Variants in EML4 observed in about 807,000 individuals in gnomAD.
The protein encoded by EML4 is EMAP like 4.
In EML4, 72 loss-of-function variants were observed where a neutral mutation model predicts 129.0. The ratio of observed to expected loss-of-function variants is 0.56; its 90% CI spans 0.46 to 0.68. EML4 has a LOEUF of 0.68. EML4 is among the 30% of genes least tolerant of loss of function. The probability of loss-of-function intolerance (pLI) is 0.00; values close to 1 mark genes in which losing one functional copy is unlikely to be tolerated. For missense variants in EML4, 1,363 were observed against 1,190.6 expected (o/e 1.14, Z -2.13); for synonymous variants, 532 against 405.0 (o/e 1.31, Z -3.77).
At chr2:42,189,721 A>G (rs1671471212) in intron 1 of EML4, among the ~76,000 whole-genome samples, 1 of 152,252 alleles carries the variant, frequency 6.6e-6, no homozygotes, top group African/African-American at 2.4e-5. Flanking sequence ...GATATCATAC[A>G]GTTAGTGTGA....
chr2:42,196,587 G>A (rs1427311717), intron 1 of EML4, among the ~76,000 whole-genome samples: 1 of 152,166 alleles, frequency 6.6e-6, no homozygotes, highest in Non-Finnish European at 1.5e-5. Context: ...CACTTAATCT[G>A]GCAGCTGGCG....
intron 18 of EML4, 131 bp downstream of exon 18, chr2:42,316,181 C>T (rs1669236757): frequency 3.9e-6 from 2 of 507,554 alleles, no homozygotes; most frequent in Non-Finnish European, 7.0e-6. Context: ...ATCTGTTTCC[C>T]CCAACATCAA....
At chr2:42,181,752 A>G (rs916881849) in intron 1 of EML4, among the ~76,000 whole-genome samples, 2 of 152,192 alleles carry the variant, frequency 1.3e-5, no homozygotes, top group Admixed American at 6.5e-5. Context: ...TTTGTGACAC[A>G]ATAAGATGAT....
At position 42,303,319 on chromosome 2, in the gene EML4, A is replaced by G; in HGVS notation, c.1772A>G (p.His591Arg). Residue 591 changes from histidine to arginine, a missense_variant, in exon 16 of 23, where the codon CAT (histidine) becomes CGT (arginine). By Grantham distance (29) the His-to-Arg change is conservative. Coordinates refer to ENST00000318522, the MANE Select transcript of EML4 (RefSeq NM_019063.5). ...NDGFQIEVQG[H>R]TDELWGLATH... ...ATGAGTGTCTTTCATTTTCAGGGTC[A>G]TACAGATGAGCTTTGGGGTCTTGCC... The G allele has an allele frequency of 6.2e-7, 1 of 1,614,160 alleles. No homozygotes were observed. Among genetic ancestry groups the G allele is most frequent in the Non-Finnish European group, 8.5e-7 (1 of 1,180,016 alleles).
At chr2:42,213,670 C>G (rs1255000853) in intron 1 of EML4, among the ~76,000 whole-genome samples, 2 of 152,134 alleles carry the variant, frequency 1.3e-5, no homozygotes. Flanking sequence ...ATGAATCTTT[C>G]CTTGCTTCCT....
intron 1 of EML4, among the ~76,000 whole-genome samples, chr2:42,223,557 C>G (rs886660307): frequency 6.6e-6 from 1 of 152,082 alleles, no homozygotes; most frequent in Non-Finnish European, 1.5e-5. Flanking sequence ...TTTACTGTAG[C>G]AGGTCATCTT....
Position 42,331,387 on chromosome 2 carries a change from T to C in EML4, c.*1180T>C, listed in dbSNP as rs1420456877. 1 of 224,446 alleles carries C rather than the reference T, an allele frequency of 4.5e-6. No individual in the cohort carries two copies. The highest frequency in any genetic ancestry group is 8.9e-6 in the Non-Finnish European group (1 of 112,344). The allele number at this position is 224,446 out of a possible 1,614,324, so 13.9% of individuals were successfully genotyped here. A position where few individuals can be genotyped will look rare whatever the true frequency, so the allele number is the denominator to read the frequency against. The stretch of plus-strand genomic sequence containing the variant: ...CTATCCTACTCTTTTGGGCAATGCA[T>C]GTATTATGCATTGGAAAGGTATTTT... On this transcript the variant is annotated 3_prime_UTR_variant, in exon 23 of 23. Transcript: ENST00000318522.
chr2:42,321,315 G>A (rs564744584), intron 19 of EML4, among the ~76,000 whole-genome samples: 14 of 152,110 alleles, frequency 9.2e-5, no homozygotes, highest in Middle Eastern at 3.4e-3. Flanking sequence ...CCCGGGAGGC[G>A]GAGCTTGCAG....
At chr2:42,185,702 G>C (rs925454963) in intron 1 of EML4, among the ~76,000 whole-genome samples, 7 of 152,138 alleles carry the variant, frequency 4.6e-5, no homozygotes, top group Non-Finnish European at 1.0e-4. Flanking sequence ...GTTTGGCTTT[G>C]GGCCTGAAGC....
chr2:42,292,683 C>T (rs1441986945), intron 11 of EML4, among the ~76,000 whole-genome samples: 1 of 152,082 alleles, frequency 6.6e-6, no homozygotes, highest in Non-Finnish European at 1.5e-5. Flanking sequence ...GTTCTGAATG[C>T]TGAATAGCGA....
intron 17 of EML4, among the ~76,000 whole-genome samples, chr2:42,313,837 G>A (rs577321394): frequency 6.6e-6 from 1 of 151,856 alleles, no homozygotes; most frequent in South Asian, 2.1e-4. Flanking sequence ...GCTGAGACAC[G>A]AGAATCGCTT....
intron 1 of EML4, among the ~76,000 whole-genome samples, chr2:42,240,125 G>A (rs919930859): frequency 1.3e-5 from 2 of 152,070 alleles, no homozygotes; most frequent in Non-Finnish European, 2.9e-5. Context: ...AGTAATCTAT[G>A]ATAGAAATTT....
intron 2 of EML4, among the ~76,000 whole-genome samples, chr2:42,249,065 A>G (rs1463244591): frequency 6.6e-6 from 1 of 152,194 alleles, no homozygotes; most frequent in East Asian, 1.9e-4. Context: ...GTGACTCTTC[A>G]CTATTGACAT....
At chr2:42,186,978 A>G (rs1253302788) in intron 1 of EML4, among the ~76,000 whole-genome samples, 3 of 143,038 alleles carry the variant, frequency 2.1e-5, no homozygotes, top group African/African-American at 7.9e-5. Context: ...CATAGACTCC[A>G]GTTCTTGGCA....
In EML4 at chr2:42,304,470, T is replaced by C. The variant is rs148415631; in HGVS notation, c.1900-14T>C. On this transcript the variant is annotated splice_polypyrimidine_tract_variant and intron_variant, in intron 16 of 22. Transcript: ENST00000318522. ...TCTCATGTACTCCCCAACAGCTGTCTGTCTCTTTTCTAGGAACCAGGACAC... is the reference window on the plus strand; with the variant it reads ...TCTCATGTACTCCCCAACAGCTGTCCGTCTCTTTTCTAGGAACCAGGACAC... 3 of 1,612,764 alleles carry C rather than the reference T, an allele frequency of 1.9e-6. No homozygotes were observed. Among genetic ancestry groups the C allele is most frequent in the African/African-American group, 2.7e-5 (2 of 74,922 alleles).
chr2:42,231,912 G>A (rs954780538), intron 1 of EML4, among the ~76,000 whole-genome samples: 17 of 151,716 alleles, frequency 1.1e-4, no homozygotes, highest in African/African-American at 4.1e-4. Context: ...TCAAGCCACT[G>A]CATTCCAGCC....
At chr2:42,280,213 C>G (rs1233723865) in intron 6 of EML4, among the ~76,000 whole-genome samples, 1 of 152,148 alleles carries the variant, frequency 6.6e-6, no homozygotes, top group Admixed American at 6.5e-5. Flanking sequence ...ACAAAATTTT[C>G]TTTAGCATTT....
chr2:42,289,933 A>T (rs1667532169), intron 11 of EML4: 1 of 150,724 alleles, frequency 6.6e-6, no homozygotes, highest in Admixed American at 6.6e-5. Context: ...AAAAAAAAAA[A>T]AAAAATAGCC....
At chr2:42,289,871 C>G (rs987377208) in intron 11 of EML4, 1 of 146,226 alleles carries the variant, frequency 6.8e-6, no homozygotes, top group African/African-American at 2.6e-5. Flanking sequence ...AGTTCAAGAC[C>G]ACCCCGGCCA....
Sources: allele counts gnomAD v4.1 joint callset (sites outside exome capture counted in the v4.1 genomes callset), GRCh38; gene constraint gnomAD v4.1.1; transcripts MANE v1.5; gene names NCBI Gene and HGNC (gene_info 2026-07-23, HGNC 2026-07-21).